ERBB4: variants seen among roughly 807,000 people sequenced by gnomAD.
The protein encoded by ERBB4 is erb-b2 receptor tyrosine kinase 4.
ERBB4 carries 42 observed loss-of-function variants against 158.0 expected under a neutral mutation model. The ratio of observed to expected loss-of-function variants is 0.27; its 90% confidence interval spans 0.21 to 0.34. The LOEUF is 0.34. Among genes scored for constraint, ERBB4 ranks in the 10% least tolerant of loss-of-function variants. The probability of loss-of-function intolerance (pLI) is 1.00; values close to 1 mark genes in which losing one functional copy is unlikely to be tolerated. For synonymous variants in ERBB4, 583 were observed against 558.7 expected (o/e 1.04, Z -0.61); for missense variants, 1,333 against 1,624.1 (o/e 0.82, Z 3.08).
At chr2:211,507,419 A>G (rs2065779140) in intron 20 of ERBB4, among the ~76,000 whole-genome samples, 1 of 152,140 alleles carries the variant, frequency 6.6e-6, no homozygotes, top group Non-Finnish European at 1.5e-5. Context: ...AGAGAAAACT[A>G]CAGGCCAATT....
intron 4 of ERBB4, among the ~76,000 whole-genome samples, chr2:211,776,493 G>A (rs1280244157): frequency 6.6e-6 from 1 of 152,098 alleles, no homozygotes; most frequent in Non-Finnish European, 1.5e-5. Context: ...TTTCACTGGG[G>A]TGGGGATACT....
At chr2:211,527,921 A>G (rs1180882882) in intron 20 of ERBB4, among the ~76,000 whole-genome samples, 2 of 152,020 alleles carry the variant, frequency 1.3e-5, no homozygotes, top group East Asian at 3.8e-4. Context: ...CACGTTCACT[A>G]AAAGAAAGAC....
intron 5 of ERBB4, among the ~76,000 whole-genome samples, chr2:211,736,742 T>A (rs915677476): frequency 6.6e-6 from 1 of 152,152 alleles, no homozygotes; most frequent in Non-Finnish European, 1.5e-5. Context: ...TTGTGCTTTT[T>A]ATTCCCACCA....
At chr2:211,977,703 TG>T (rs1054562343) in intron 2 of ERBB4, among the ~76,000 whole-genome samples, 4 of 150,890 alleles carry the variant, frequency 2.7e-5, no homozygotes, top group African/African-American at 9.7e-5. Context: ...CTGGGCGTGG[TG>T]GACCAGCTAA....
intron 2 of ERBB4, among the ~76,000 whole-genome samples, chr2:212,092,689 G>A (rs1285221824): frequency 6.6e-6 from 1 of 152,042 alleles, no homozygotes; most frequent in African/African-American, 2.4e-5. Context: ...TGTATATGTT[G>A]AATGATGCTT....
intron 3 of ERBB4, among the ~76,000 whole-genome samples, chr2:211,822,306 C>CT (rs1052934813): frequency 2.4e-4 from 37 of 151,830 alleles, no homozygotes; most frequent in African/African-American, 8.2e-4. Context: ...TGAATGCTCC[C>CT]TACACAAAGA....
intron 1 of ERBB4, among the ~76,000 whole-genome samples, chr2:212,249,468 T>G (rs928958413): frequency 6.6e-6 from 1 of 151,416 alleles, no homozygotes; most frequent in Non-Finnish European, 1.5e-5. Flanking sequence ...TACAATTAGC[T>G]AGAGGGAAAA....
chr2:212,330,690 A>G (rs1009281427), intron 1 of ERBB4, among the ~76,000 whole-genome samples: 3 of 152,092 alleles, frequency 2.0e-5, no homozygotes, highest in Non-Finnish European at 2.9e-5. Flanking sequence ...AGACCCACCT[A>G]TCAACCCTCC....
At position 212,242,482 on chromosome 2, in the gene ERBB4, T is replaced by G. The variant is rs1052183390; in HGVS notation, c.83-117579A>C. ...AATCTCTCATCTCAAGAAAATAGTTTGCTTTAAACCCATCAAGATCATTAG... is the reference window on the plus strand; with the variant it reads ...AATCTCTCATCTCAAGAAAATAGTTGGCTTTAAACCCATCAAGATCATTAG... On this transcript the variant is annotated intron_variant, in intron 1 of 27. Coordinates refer to ENST00000342788, the MANE Select transcript of ERBB4 (RefSeq NM_005235.3). Among the ~76,000 whole-genome samples the G allele has an allele frequency of 2.0e-5, 3 of 152,178 alleles. No homozygotes were observed. In the East Asian group the frequency reaches 5.8e-4, roughly 29 times the overall value.
intron 19 of ERBB4, among the ~76,000 whole-genome samples, chr2:211,597,796 A>G (rs2068682793): frequency 6.6e-6 from 1 of 152,210 alleles, no homozygotes; most frequent in Non-Finnish European, 1.5e-5. Flanking sequence ...TATTACTTAA[A>G]AATGATCAGT....
At chr2:211,815,345 C>G (rs2076861266) in intron 3 of ERBB4, among the ~76,000 whole-genome samples, 2 of 152,066 alleles carry the variant, frequency 1.3e-5, no homozygotes, top group Admixed American at 1.3e-4. Flanking sequence ...ATAGGAATAA[C>G]TTTATAATAG....
rs1186600074 is a variant in ERBB4 at position 211,704,148 on chromosome 2, A to G, written c.1245T>C (p.Ser415=). 6.2e-7 allele frequency: 1 copy of G among 1,613,198 alleles called. No individual in the cohort carries two copies. Among genetic ancestry groups the G allele is most frequent in the East Asian group, 2.2e-5 (1 of 44,850 alleles). The change falls in exon 11 of 28, where the codon AGT becomes AGC. Residue 415 remains serine (S), a synonymous_variant. Transcript: ENST00000342788. ...CAATGGTCACCAGGTTAGAAAAAAC[A>G]CTGAAGTCAGTCATGTTTGGTGGCC... ...QSWPPNMTDF[S]VFSNLVTIGG...
intron 16 of ERBB4, chr2:211,657,519 A>G (rs374748460): frequency 1.0e-5 from 5 of 494,366 alleles, no homozygotes; most frequent in Non-Finnish European, 1.5e-5. Flanking sequence ...CAAAAAAAAA[A>G]AAAAGAAATC....
intron 2 of ERBB4, among the ~76,000 whole-genome samples, chr2:212,008,398 T>C (rs890030323): frequency 6.6e-6 from 1 of 152,084 alleles, no homozygotes; most frequent in South Asian, 2.1e-4. Flanking sequence ...TTCTTCCTTA[T>C]CATATTATCA....
At position 211,387,976 on chromosome 2, in the gene ERBB4, C is replaced by A. The variant is rs2125322794; in HGVS notation, c.3152G>T (p.Ser1051Ile). 2 of 1,606,994 alleles carry A rather than the reference C, an allele frequency of 1.2e-6. No homozygotes were observed. The highest frequency in any genetic ancestry group is 1.7e-6 in the Non-Finnish European group (2 of 1,173,856). The change falls in exon 26 of 28, where the codon AGC becomes ATC. Residue 1051 changes from serine to isoleucine, a missense_variant. This residue lies in a region of ERBB4 where 252 missense variants were observed against 241.3 expected (regional missense o/e 1.04). Transcript: ENST00000342788. ...CATGGGGGTGTAGGCAGGAGGAGGG[C>A]TGTGTCCAATTTCACTCTAATAGGA... ...IDSNRSEIGH[S>I]PPPAYTPMSG...
chr2:211,412,921 T>C (rs1291601011), intron 25 of ERBB4, among the ~76,000 whole-genome samples: 5 of 141,204 alleles, frequency 3.5e-5, no homozygotes, highest in African/African-American at 1.3e-4. Context: ...TCCACTGCAC[T>C]CCAGCCTGGC....
At chr2:211,978,363 A>AGTCTGTCT (rs36173850) in intron 2 of ERBB4, among the ~76,000 whole-genome samples, 12,720 of 134,400 alleles carry the variant, frequency 0.095, 1,031 homozygotes, top group East Asian at 0.37. Flanking sequence ...AAGGAGTCTG[A>AGTCTGTCT]GTCTGTCTGT....
intron 16 of ERBB4, among the ~76,000 whole-genome samples, chr2:211,655,092 T>C (rs1385575439): frequency 6.6e-6 from 1 of 152,168 alleles, no homozygotes; most frequent in African/African-American, 2.4e-5. Context: ...CTATAAGTGA[T>C]CTATCAGTGT....
intron 12 of ERBB4, among the ~76,000 whole-genome samples, chr2:211,689,974 C>G (rs2072735361): frequency 1.3e-5 from 2 of 150,192 alleles, no homozygotes; most frequent in Non-Finnish European, 3.0e-5. Context: ...AGTTCTATCT[C>G]AGGCCTTCAA....
Sources: gnomAD v4.1 joint callset for allele counts (sites outside exome capture counted in the v4.1 genomes callset) on GRCh38, gnomAD v4.1.1 for gene constraint, gnomAD v4.1.1 regional missense constraint, MANE v1.5 for transcripts, NCBI Gene and HGNC (gene_info 2026-07-23, HGNC 2026-07-21) for gene names.